SMCHD1: variants seen among roughly 807,000 people sequenced by gnomAD.
The protein encoded by SMCHD1 is structural maintenance of chromosomes flexible hinge domain-containing protein 1.
In SMCHD1, 78 loss-of-function variants were observed where a neutral mutation model predicts 254.7. That is an observed-to-expected ratio of 0.31 (90% CI 0.26 to 0.37). The LOEUF is 0.37. Ranked by LOEUF, SMCHD1 falls within the 10% of genes least tolerant of loss-of-function variation. The pLI is 1.00. For missense variants in SMCHD1, 1,840 were observed against 2,408.1 expected, an observed-to-expected ratio of 0.76 and a Z score of 4.94; for synonymous variants, 766 against 794.9, an observed-to-expected ratio of 0.96 and a Z score of 0.61.
intron 5 of SMCHD1, among the ~76,000 whole-genome samples, chr18:2,676,331 G>C (rs1378089134): frequency 6.6e-6 from 1 of 152,150 alleles, no homozygotes; most frequent in Non-Finnish European, 1.5e-5. Flanking sequence ...AAAAAATGTA[G>C]AATAATAGAG....
At chr18:2,786,736 T>C (rs12955686) in intron 45 of SMCHD1, among the ~76,000 whole-genome samples, 12,896 of 152,202 alleles carry the variant, frequency 0.085, 937 homozygotes, top group East Asian at 0.43. Flanking sequence ...GATTTCTTTT[T>C]GGCTCCTCCA....
At chr18:2,745,539 C>T (rs1436593959) in intron 29 of SMCHD1, among the ~76,000 whole-genome samples, 2 of 152,158 alleles carry the variant, frequency 1.3e-5, no homozygotes, top group Non-Finnish European at 2.9e-5. Context: ...AAGGGTTTTA[C>T]TGAAAAGCCA....
In SMCHD1 at chr18:2,762,119, C is replaced by T. The variant is rs2075796891; in HGVS notation, c.4449C>T (p.Val1483=). ...ILNSEQVIVE[V]LPNQPVKLVP... is the part of the protein sequence containing the mutation. The stretch of plus-strand genomic sequence containing the variant: ...TGTTTTGTAAGGTTATAGTTGAAGT[C>T]CTGCCTAATCAACCTGTGAAGTTAG... Residue 1483 remains valine, a synonymous_variant, in exon 36 of 48, where the codon GTC becomes GTT. Coordinates refer to ENST00000320876, the MANE Select transcript of SMCHD1 (RefSeq NM_015295.3). 6.2e-7 allele frequency: 1 copy of T among 1,613,164 alleles called. No homozygotes were observed. The highest frequency in any genetic ancestry group is 1.7e-5 in the Admixed American group (1 of 59,970).
At chr18:2,750,577 T>A in intron 32 of SMCHD1, 70 bp downstream of exon 32, 1 of 1,310,606 alleles carries the variant, frequency 7.6e-7, no homozygotes, top group Non-Finnish European at 1.0e-6. Flanking sequence ...AATAAATTAC[T>A]TATCCTAGGT....
chr18:2,751,127 T>G, intron 32 of SMCHD1, 151 bp from the exon 33 acceptor site: 1 of 544,448 alleles, frequency 1.8e-6, no homozygotes, highest in Non-Finnish European at 3.2e-6. Flanking sequence ...ATGCTAGAAT[T>G]TATACATTTC....
At chr18:2,732,601 GAA>G in intron 25 of SMCHD1, 109 bp downstream of exon 25, 3 of 663,804 alleles carry the variant, frequency 4.5e-6, no homozygotes, top group Non-Finnish European at 5.0e-6. Flanking sequence ...GCTTGTCACA[GAA>G]AAGTTATACT....
chr18:2,798,188 C>T (rs542801552), intron 47 of SMCHD1, among the ~76,000 whole-genome samples: 5 of 152,150 alleles, frequency 3.3e-5, no homozygotes, highest in African/African-American at 4.8e-5. Flanking sequence ...AAACTATTGT[C>T]GGACATAGAG....
chr18:2,766,140 C>T (rs968646066), intron 37 of SMCHD1, among the ~76,000 whole-genome samples: 1 of 152,060 alleles, frequency 6.6e-6, no homozygotes, highest in African/African-American at 2.4e-5. Flanking sequence ...ACTACAGGCA[C>T]CCACCACCAC....
chr18:2,760,854 AT>A, intron 35 of SMCHD1, 115 bp downstream of exon 35: 2 of 553,890 alleles, frequency 3.6e-6, no homozygotes, highest in Non-Finnish European at 6.4e-6. Context: ...TATGAATGAA[AT>A]ATTTTGTTTA....
intron 5 of SMCHD1, among the ~76,000 whole-genome samples, chr18:2,676,483 C>CA (rs1257293748): frequency 6.6e-6 from 1 of 151,966 alleles, no homozygotes; most frequent in Non-Finnish European, 1.5e-5. Context: ...GAAGCACCAG[C>CA]AAAGCAAAGA....
At chr18:2,767,714 C>T (rs113228494) in intron 37 of SMCHD1, among the ~76,000 whole-genome samples, 132 of 151,520 alleles carry the variant, frequency 8.7e-4, no homozygotes, top group African/African-American at 3.1e-3. Flanking sequence ...CTCAGCCTCC[C>T]GAGTAGCTGG....
rs769948620 is a variant in SMCHD1 at position 2,718,115 on chromosome 18, T to A, written c.2261-43T>A. 1 of 1,480,528 alleles carries A rather than the reference T, an allele frequency of 6.8e-7. No homozygotes were observed. Among genetic ancestry groups the A allele is most frequent in the South Asian group, 1.2e-5 (1 of 84,142 alleles). The allele number at this position is 1,480,528 out of a possible 1,614,324, so 91.7% of individuals were successfully genotyped here. On this transcript the variant is annotated intron_variant, in intron 17 of 47. Coordinates refer to ENST00000320876, the MANE Select transcript of SMCHD1 (RefSeq NM_015295.3). The surrounding 1 kb of genome is among the most constrained non-coding windows in gnomAD (Gnocchi z 4.6). ...ACATTGCGTATTTCATGTTTTACGT[T>A]GAATTTCTCAAGACACTATTGTTTC...
intron 36 of SMCHD1, 35 bp from the exon 37 acceptor site, chr18:2,763,602 A>G: frequency 6.7e-7 from 1 of 1,490,740 alleles, no homozygotes; most frequent in African/African-American, 1.4e-5. Context: ...TCTTCTCATC[A>G]GTTTCTCTAA....
chr18:2,768,707 T>A (rs1019406688), intron 37 of SMCHD1, among the ~76,000 whole-genome samples: 8 of 106,132 alleles, frequency 7.5e-5, no homozygotes, highest in Non-Finnish European at 1.6e-4. Context: ...TACTATATAC[T>A]ATACTATACA....
intron 8 of SMCHD1, among the ~76,000 whole-genome samples, chr18:2,696,238 G>C (rs2074282642): frequency 6.6e-6 from 1 of 152,120 alleles, no homozygotes; most frequent in African/African-American, 2.4e-5. Context: ...TAGGAGAGGA[G>C]AGATGAATGT....
chr18:2,732,228 G>A lies in SMCHD1; in HGVS notation c.3049-37G>A, dbSNP rs753561828. ...TTCAGGAGTGTAAAATTTCAGTACA[G>A]ATATCACTCAGTGTTTGTGTTTTCT... On this transcript the variant is annotated intron_variant, in intron 24 of 47. Transcript: ENST00000320876. 2.0e-6 allele frequency: 3 copies of A among 1,519,950 alleles called. No individual in the cohort carries two copies. The East Asian group carries it at 6.8e-5, about 34-fold the overall frequency. 94.2% of individuals were successfully genotyped at this position (1,519,950 alleles called of 1,614,324 possible).
intron 7 of SMCHD1, chr18:2,691,921 G>A (rs2074188628): frequency 6.6e-6 from 1 of 152,250 alleles, no homozygotes; most frequent in African/African-American, 2.4e-5. Context: ...GGCTGCAGTG[G>A]CCTTTTGACA....
intron 28 of SMCHD1, among the ~76,000 whole-genome samples, chr18:2,743,474 G>C (rs1169191468): frequency 6.6e-6 from 1 of 152,088 alleles, no homozygotes; most frequent in African/African-American, 2.4e-5. Context: ...TATTCAGGTA[G>C]CAGAAAGGAG....
chr18:2,751,854 T>C (rs2075579091), intron 33 of SMCHD1, among the ~76,000 whole-genome samples: 1 of 152,136 alleles, frequency 6.6e-6, no homozygotes, highest in Admixed American at 6.5e-5. Flanking sequence ...ATAAGTAAAA[T>C]TCTAATGTTT....
Sources: gnomAD v4.1 joint callset for allele counts (sites outside exome capture counted in the v4.1 genomes callset) on GRCh38, gnomAD v4.1.1 for gene constraint, Gnocchi (gnomAD v3.1) non-coding constraint, MANE v1.5 for transcripts, NCBI Gene and HGNC (gene_info 2026-07-23, HGNC 2026-07-21) for gene names.